Variants in INTS9 observed in about 807,000 individuals in gnomAD.
INTS9 encodes protein related to CPSF subunits of 74 kDa.
Under a neutral mutation model 79.7 loss-of-function variants are expected in INTS9, and 55 were observed. That is an observed-to-expected ratio of 0.69 (90% CI 0.56 to 0.86). The LOEUF is 0.86. Among genes scored for constraint, INTS9 ranks in the 40% least tolerant of loss-of-function variants. The pLI is 0.00. For missense variants in INTS9, 721 were observed against 831.5 expected (o/e 0.87, Z 1.64); for synonymous variants, 319 against 325.2 (o/e 0.98, Z 0.20).
intron 8 of INTS9, among the ~76,000 whole-genome samples, chr8:28,801,344 G>T (rs191695179): frequency 6.6e-4 from 100 of 151,976 alleles, no homozygotes; most frequent in Non-Finnish European, 2.1e-4. Context: ...AAAAAAATTA[G>T]CCTGGCATGG....
At chr8:28,852,222 C>CA (rs1253323028) in intron 2 of INTS9, among the ~76,000 whole-genome samples, 1 of 148,950 alleles carries the variant, frequency 6.7e-6, no homozygotes, top group Non-Finnish European at 1.5e-5. Context: ...GACCCTGTCT[C>CA]AAAAAAATAA....
chr8:28,837,571 T>C (rs1354612678), intron 5 of INTS9, 66 bp downstream of exon 5: 1 of 1,546,850 alleles, frequency 6.5e-7, no homozygotes, highest in Non-Finnish European at 8.8e-7. Context: ...AATACTGTGA[T>C]AGCGTCATCA....
chr8:28,804,801 A>G (rs551276652), intron 8 of INTS9, among the ~76,000 whole-genome samples: 1 of 152,370 alleles, frequency 6.6e-6, no homozygotes, highest in South Asian at 2.1e-4. Context: ...GGCAATTAAA[A>G]TGAGCAGGTA....
At chr8:28,816,881 C>G (rs1413522989) in intron 6 of INTS9, among the ~76,000 whole-genome samples, 10 of 152,196 alleles carry the variant, frequency 6.6e-5, no homozygotes, top group Non-Finnish European at 1.0e-4. Flanking sequence ...TTGTGGTTTT[C>G]ATTTGCATTT....
rs1031093517 is a variant in INTS9, at chr8:28,862,140, C to G, written c.10-2577G>C. ...AGGGCCCAGACCCTGTGGCCTCCAG[C>G]GATGCTCTTTGTGCAATTCCAGTTT... On this transcript the variant is annotated intron_variant, in intron 1 of 16. Coordinates refer to ENST00000521022, the MANE Select transcript of INTS9 (RefSeq NM_018250.4). 5.1e-6 allele frequency: 5 copies of G among 985,300 alleles called. No individual in the cohort carries two copies. The African/African-American group carries it at 8.7e-5, about 17-fold the overall frequency. 61.0% of individuals were successfully genotyped at this position (985,300 alleles called of 1,614,324 possible).
At position 28,889,733 on chromosome 8, in the gene INTS9, G is replaced by C. The variant is rs567253666; in HGVS notation, c.9+141C>G. On this transcript the variant is annotated intron_variant, in intron 1 of 16. Coordinates refer to ENST00000521022, the MANE Select transcript of INTS9 (RefSeq NM_018250.4). ...CAAACCTTCTCAACAACAAAAAGCA[G>C]CTTTCCTTAGCCCACTCCACTTTCC... The C allele has an allele frequency of 1.6e-4, 137 of 854,512 alleles. 2 individuals are homozygous for C. The South Asian group carries it at 2.3e-3, about 14-fold the overall frequency. The allele number at this position is 854,512 out of a possible 1,614,324, so 52.9% of individuals were successfully genotyped here.
intron 8 of INTS9, among the ~76,000 whole-genome samples, chr8:28,805,681 A>G (rs1232902757): frequency 6.6e-6 from 1 of 152,226 alleles, no homozygotes; most frequent in East Asian, 1.9e-4. Flanking sequence ...AGATGAGGAC[A>G]GTGTGGCTTT....
intron 4 of INTS9, among the ~76,000 whole-genome samples, chr8:28,846,403 C>G (rs1807517978): frequency 6.6e-6 from 1 of 152,116 alleles, no homozygotes; most frequent in Admixed American, 6.6e-5. Flanking sequence ...TAAAGCAAGA[C>G]CAGGACACAT....
intron 9 of INTS9, among the ~76,000 whole-genome samples, chr8:28,796,048 G>A (rs1449504666): frequency 1.3e-5 from 2 of 152,334 alleles, no homozygotes; most frequent in Middle Eastern, 3.4e-3. Flanking sequence ...TGTGGCTCAT[G>A]CCGGAAATCC....
intron 2 of INTS9, among the ~76,000 whole-genome samples, chr8:28,855,054 T>G (rs1171321107): frequency 6.6e-6 from 1 of 152,080 alleles, no homozygotes; most frequent in African/African-American, 2.4e-5. Flanking sequence ...TCCACGAGGG[T>G]TATTCACATG....
At chr8:28,845,191 C>T (rs1807435550) in intron 4 of INTS9, among the ~76,000 whole-genome samples, 1 of 152,196 alleles carries the variant, frequency 6.6e-6, no homozygotes, top group South Asian at 2.1e-4. Flanking sequence ...TTACTGGTTG[C>T]GTACTGTACT....
intron 4 of INTS9, among the ~76,000 whole-genome samples, chr8:28,841,465 C>A (rs977320206): frequency 1.3e-5 from 2 of 152,130 alleles, no homozygotes; most frequent in African/African-American, 4.8e-5. Flanking sequence ...CTTTAAGAAC[C>A]AGCCCACAGA....
intron 4 of INTS9, among the ~76,000 whole-genome samples, chr8:28,843,769 T>A (rs1807334865): frequency 6.6e-6 from 1 of 151,928 alleles, no homozygotes; most frequent in Admixed American, 6.6e-5. Flanking sequence ...TTTTTTACAA[T>A]GGTCCTTATG....
rs930695802 is a variant in INTS9, at chr8:28,767,782, C to T, written c.*364G>A. On this transcript the variant is annotated 3_prime_UTR_variant, in exon 17 of 17. Coordinates refer to ENST00000521022, the MANE Select transcript of INTS9 (RefSeq NM_018250.4). ...GCGTACAGCACTGTAGGCAAGTAAACGAAACCAAAGGCTGGCTCCCCTGGC... is the reference window on the plus strand; with the variant it reads ...GCGTACAGCACTGTAGGCAAGTAAATGAAACCAAAGGCTGGCTCCCCTGGC... 4.5e-5 allele frequency: 13 copies of T among 288,970 alleles called. No individual in the cohort carries two copies. Among genetic ancestry groups the T allele is most frequent in the Middle Eastern group, 1.1e-3 (1 of 872 alleles). The allele number at this position is 288,970 out of a possible 1,614,324, so 17.9% of individuals were successfully genotyped here.
chr8:28,812,514 T>C (rs2131047963), intron 7 of INTS9, 53 bp from the exon 8 acceptor site: 1 of 1,571,840 alleles, frequency 6.4e-7, no homozygotes, highest in Non-Finnish European at 8.6e-7. Context: ...GACAGTCACA[T>C]GAGGTAATTC....
chr8:28,811,128 C>CTTTT (rs34004264), intron 8 of INTS9, among the ~76,000 whole-genome samples: 7 of 142,180 alleles, frequency 4.9e-5, no homozygotes, highest in African/African-American at 5.2e-5. Context: ...CTTTCTCTCT[C>CTTTT]TTTTTTTTTT....
chr8:28,881,719 C>G (rs1412262793), intron 1 of INTS9, among the ~76,000 whole-genome samples: 2 of 148,314 alleles, frequency 1.3e-5, no homozygotes, highest in South Asian at 2.1e-4. Context: ...GGTCAGCCCC[C>G]CTTCCGGCCG....
At chr8:28,796,340 T>C (rs934846367) in intron 9 of INTS9, among the ~76,000 whole-genome samples, 1 of 152,204 alleles carries the variant, frequency 6.6e-6, no homozygotes, top group South Asian at 2.1e-4. Context: ...CATACATATC[T>C]ATCTGTTCAC....
chr8:28,812,871 A>C (rs1805232972), intron 7 of INTS9, among the ~76,000 whole-genome samples: 1 of 152,186 alleles, frequency 6.6e-6, no homozygotes, highest in Non-Finnish European at 1.5e-5. Flanking sequence ...TCAATAAAGT[A>C]AACTAGAAAG....
Sources: allele counts gnomAD v4.1 joint callset (sites outside exome capture counted in the v4.1 genomes callset), GRCh38; gene constraint gnomAD v4.1.1; transcripts MANE v1.5; gene names NCBI Gene and HGNC (gene_info 2026-07-23, HGNC 2026-07-21).